The following CRISPLD1 variants were observed in gnomAD, a reference collection of about 807,000 sequenced individuals.
The protein encoded by CRISPLD1 is cysteine-rich secretory protein LCCL domain-containing 1.
CRISPLD1 carries 60 observed loss-of-function variants against 77.5 expected under a neutral mutation model. The ratio of observed to expected loss-of-function variants is 0.77; its 90% CI spans 0.63 to 0.96. CRISPLD1 has a LOEUF of 0.96. Ranked by LOEUF, CRISPLD1 falls within the 40% of genes least tolerant of loss-of-function variation. The pLI, the probability that CRISPLD1 is intolerant of heterozygous loss-of-function variation, is 0.00. For synonymous variants in CRISPLD1, 195 were observed against 200.1 expected (o/e 0.97, Z 0.22); for missense variants, 623 against 615.8 (o/e 1.01, Z -0.12).
intron 2 of CRISPLD1, among the ~76,000 whole-genome samples, chr8:75,001,168 T>C (rs1812734145): frequency 1.3e-5 from 2 of 148,658 alleles, no homozygotes; most frequent in Non-Finnish European, 1.5e-5. Context: ...TGCAAAACAA[T>C]TTTACATAAA....
intron 12 of CRISPLD1, 131 bp downstream of exon 12, chr8:75,020,210 A>C: frequency 1.4e-6 from 1 of 697,616 alleles, no homozygotes; most frequent in African/African-American, 1.8e-5. Flanking sequence ...AAACATCATA[A>C]ACTACATGCA....
At chr8:74,999,993 G>A (rs1349549337) in intron 2 of CRISPLD1, among the ~76,000 whole-genome samples, 1 of 150,134 alleles carries the variant, frequency 6.7e-6, no homozygotes, top group Non-Finnish European at 1.5e-5. Flanking sequence ...TAAGAAGGGA[G>A]GAAGTAGAAT....
intron 2 of CRISPLD1, among the ~76,000 whole-genome samples, chr8:74,997,347 G>T (rs1812662575): frequency 1.3e-5 from 2 of 152,124 alleles, no homozygotes; most frequent in African/African-American, 2.4e-5. Context: ...GAAGGATAAG[G>T]AGGAATCTGG....
chr8:75,000,012 A>G (rs993944113), intron 2 of CRISPLD1: 2 of 311,574 alleles, frequency 6.4e-6, no homozygotes, highest in Non-Finnish European at 9.3e-6. Context: ...ATTTCAGTTG[A>G]GTAAGTATGA....
At chr8:75,013,727 G>C (rs963117571) in intron 4 of CRISPLD1, among the ~76,000 whole-genome samples, 1 of 152,050 alleles carries the variant, frequency 6.6e-6, no homozygotes, top group Non-Finnish European at 1.5e-5. Flanking sequence ...TGTAACTTTT[G>C]AATTATTTAC....
At chr8:75,013,241 G>A (rs1812966586) in intron 4 of CRISPLD1, among the ~76,000 whole-genome samples, 1 of 152,026 alleles carries the variant, frequency 6.6e-6, no homozygotes, top group Non-Finnish European at 1.5e-5. Context: ...CATTATTTCA[G>A]TGATTTTGCA....
intron 10 of CRISPLD1, among the ~76,000 whole-genome samples, chr8:75,018,001 C>G (rs1261267711): frequency 1.3e-5 from 2 of 152,142 alleles, no homozygotes; most frequent in South Asian, 2.1e-4. Flanking sequence ...TTCGAAAACA[C>G]TGTACATTTT....
chr8:75,025,452 C>A, intron 12 of CRISPLD1, 94 bp from the exon 13 acceptor site: 1 of 391,180 alleles, frequency 2.6e-6, no homozygotes. Flanking sequence ...GAATGTTGAG[C>A]TTACTTTGTG....
intron 2 of CRISPLD1, among the ~76,000 whole-genome samples, chr8:75,010,026 A>G (rs149652621): frequency 7.0e-4 from 106 of 152,234 alleles, no homozygotes; most frequent in African/African-American, 2.2e-3. Context: ...TCTTAAAACC[A>G]TTCATCTTGA....
intron 13 of CRISPLD1, among the ~76,000 whole-genome samples, chr8:75,027,301 C>T (rs1365702390): frequency 6.6e-6 from 1 of 152,112 alleles, no homozygotes; most frequent in East Asian, 1.9e-4. Context: ...TAACCAAGTA[C>T]CTTGCACATA....
At chr8:75,021,386 C>T (rs565796467) in intron 12 of CRISPLD1, among the ~76,000 whole-genome samples, 1 of 152,270 alleles carries the variant, frequency 6.6e-6, no homozygotes, top group Admixed American at 6.5e-5. Flanking sequence ...TTTGTCTCTA[C>T]TAATGCAAGA....
chr8:75,032,070 A>C lies in CRISPLD1; in HGVS notation c.1452-121A>C, dbSNP rs906548513. 1.8e-5 allele frequency: 11 copies of C among 628,444 alleles called. No homozygotes were observed. In the African/African-American group the frequency reaches 2.0e-4, roughly 12 times the overall value. The allele number at this position is 628,444 out of a possible 1,614,324, so 38.9% of individuals were successfully genotyped here. On this transcript the variant is annotated intron_variant, in intron 14 of 14. Coordinates refer to ENST00000262207, the MANE Select transcript of CRISPLD1 (RefSeq NM_031461.6). ...ACTATAAATTATAGTAGCCTAAGAA[A>C]GTTGACCATCTGGATTCATAGAGCT...
intron 2 of CRISPLD1, among the ~76,000 whole-genome samples, chr8:75,006,974 T>C (rs533438979): frequency 6.6e-6 from 1 of 152,314 alleles, no homozygotes; most frequent in South Asian, 2.1e-4. Flanking sequence ...ACATTAGATC[T>C]TCTTTGTGAA....
chr8:75,025,737 T>C lies in CRISPLD1; in HGVS notation c.1320+116T>C, dbSNP rs1011023138. The C allele has an allele frequency of 2.6e-4, 108 of 420,034 alleles. No individual in the cohort carries two copies. In the Admixed American group the frequency reaches 3.6e-3, roughly 14 times the overall value. The allele number at this position is 420,034 out of a possible 1,614,324, so 26.0% of individuals were successfully genotyped here. On this transcript the variant is annotated intron_variant, in intron 13 of 14. Coordinates refer to ENST00000262207, the MANE Select transcript of CRISPLD1 (RefSeq NM_031461.6). ...AGAGCGAAGAAACAGACTTTGTTAA[T>C]GTGTGTTCTCAGAAGAGTTAAACAT...
chr8:75,017,153 T>A, intron 9 of CRISPLD1, 40 bp downstream of exon 9: 1 of 1,557,780 alleles, frequency 6.4e-7, no homozygotes, highest in South Asian at 1.1e-5. Flanking sequence ...ATAGAGTCAT[T>A]CCATGTAATA....
At chr8:75,022,011 A>G (rs967839481) in intron 12 of CRISPLD1, among the ~76,000 whole-genome samples, 1 of 152,176 alleles carries the variant, frequency 6.6e-6, no homozygotes, top group Non-Finnish European at 1.5e-5. Context: ...TTTTATAACT[A>G]CAAAACAAAC....
At chr8:74,986,959 T>C (rs1277422759) in intron 2 of CRISPLD1, among the ~76,000 whole-genome samples, 1 of 152,248 alleles carries the variant, frequency 6.6e-6, no homozygotes, top group African/African-American at 2.4e-5. Flanking sequence ...CCCTAAACAT[T>C]TAGAAAACTT....
chr8:74,988,274 T>C (rs1015636283), intron 2 of CRISPLD1, among the ~76,000 whole-genome samples: 1 of 152,230 alleles, frequency 6.6e-6, no homozygotes, highest in Middle Eastern at 3.2e-3. Flanking sequence ...TTAAAATGTA[T>C]TTATTCTGAG....
At chr8:74,988,916 C>A (rs2128780545) in intron 2 of CRISPLD1, among the ~76,000 whole-genome samples, 1 of 152,288 alleles carries the variant, frequency 6.6e-6, no homozygotes, top group East Asian at 1.9e-4. Context: ...GAAATAGACT[C>A]ATTTGAAAAT....
Sources: gnomAD v4.1 joint callset for allele counts (sites outside exome capture counted in the v4.1 genomes callset) on GRCh38, gnomAD v4.1.1 for gene constraint, MANE v1.5 for transcripts, NCBI Gene and HGNC (gene_info 2026-07-23, HGNC 2026-07-21) for gene names.